GRID1: variants seen among roughly 807,000 people sequenced by gnomAD.
The protein encoded by GRID1 is glutamate ionotropic receptor delta type subunit 1, also known as glutamate receptor ionotropic, delta-1.
Under a neutral mutation model 98.0 loss-of-function variants are expected in GRID1, and 28 were observed. The observed-to-expected ratio is 0.29, with a 90% confidence interval of 0.21 to 0.39. The LOEUF is 0.39. Ranked by LOEUF, GRID1 falls within the 10% of genes least tolerant of loss-of-function variation. GRID1 has a pLI of 1.00. For missense variants in GRID1, 1,111 were observed against 1,340.5 expected, an observed-to-expected ratio of 0.83 and a Z score of 2.67; for synonymous variants, 553 against 538.5, an observed-to-expected ratio of 1.03 and a Z score of -0.37.
At chr10:86,083,654 C>T (rs1404420840) in intron 4 of GRID1, among the ~76,000 whole-genome samples, 2 of 152,200 alleles carry the variant, frequency 1.3e-5, no homozygotes, top group Admixed American at 6.5e-5. Context: ...AAGGGTCTGT[C>T]ATTAAATCAC....
intron 12 of GRID1, among the ~76,000 whole-genome samples, chr10:85,690,688 T>C (rs1007601537): frequency 1.3e-5 from 2 of 152,216 alleles, no homozygotes; most frequent in Non-Finnish European, 2.9e-5. Flanking sequence ...TTTTCCTTTC[T>C]AAGTGTTCAC....
At chr10:86,094,987 TA>T (rs749067014) in intron 4 of GRID1, among the ~76,000 whole-genome samples, 1 of 152,060 alleles carries the variant, frequency 6.6e-6, no homozygotes, top group Non-Finnish European at 1.5e-5. Flanking sequence ...GGTACTGATA[TA>T]AAAATAGGCA....
intron 3 of GRID1, among the ~76,000 whole-genome samples, chr10:86,141,855 G>A (rs559532114): frequency 5.3e-5 from 8 of 152,208 alleles, no homozygotes; most frequent in East Asian, 1.9e-4. Context: ...TGGTGTAAAC[G>A]ATATTCCTAA....
intron 2 of GRID1, among the ~76,000 whole-genome samples, chr10:86,227,572 G>GC (rs144593219): frequency 0.28 from 43,202 of 152,048 alleles, 6,985 homozygotes; most frequent in Non-Finnish European, 0.38. Flanking sequence ...CATGAGCTCA[G>GC]CCAGCCCAGT....
At chr10:86,172,827 C>T (rs560247322) in intron 3 of GRID1, among the ~76,000 whole-genome samples, 95 of 152,146 alleles carry the variant, frequency 6.2e-4, no homozygotes, top group Admixed American at 1.0e-3. Flanking sequence ...GAAAAAAATG[C>T]TATTATATGA....
At chr10:85,666,310 A>G (rs1442898536) in intron 12 of GRID1, among the ~76,000 whole-genome samples, 2 of 152,222 alleles carry the variant, frequency 1.3e-5, no homozygotes, top group Non-Finnish European at 2.9e-5. Context: ...AACAGAAAGC[A>G]TGAAAGAACA....
At chr10:85,999,651 T>G (rs181594816) in intron 4 of GRID1, among the ~76,000 whole-genome samples, 2 of 152,194 alleles carry the variant, frequency 1.3e-5, no homozygotes, top group African/African-American at 4.8e-5. Flanking sequence ...AAGAAATGCA[T>G]GACTAACTCA....
intron 3 of GRID1, among the ~76,000 whole-genome samples, chr10:86,193,465 G>A (rs1313531386): frequency 6.6e-6 from 1 of 152,040 alleles, no homozygotes; most frequent in African/African-American, 2.4e-5. Flanking sequence ...AACCATGCCA[G>A]GGTCTCTAGG....
At chr10:85,913,441 G>A (rs1841568039) in intron 5 of GRID1, among the ~76,000 whole-genome samples, 1 of 152,230 alleles carries the variant, frequency 6.6e-6, no homozygotes, top group African/African-American at 2.4e-5. Context: ...TGTTGATGAG[G>A]ACTAAGAAGG....
intron 8 of GRID1, among the ~76,000 whole-genome samples, chr10:85,780,969 T>C (rs1190303815): frequency 1.3e-5 from 2 of 152,176 alleles, no homozygotes; most frequent in East Asian, 3.9e-4. Context: ...GTGTCCATGG[T>C]GAACACCAGA....
In GRID1 at chr10:85,979,542, T is replaced by C. The variant is rs530305572; in HGVS notation, c.727-63303A>G. On this transcript the variant is annotated intron_variant, in intron 4 of 15. Coordinates refer to ENST00000327946, the MANE Select transcript of GRID1 (RefSeq NM_017551.3). ...GTAGATAGCCATTTCTCTCTGTATC[T>C]TCACATCATCTTCCCTCTGTGTATG... 7.4e-3 allele frequency among the ~76,000 whole-genome samples: 1,130 copies of C among 152,332 alleles called. 8 individuals are homozygous for C. Among genetic ancestry groups the C allele is most frequent in the Non-Finnish European group, 0.012 (806 of 68,022 alleles).
chr10:86,040,621 A>G (rs1304590919), intron 4 of GRID1, among the ~76,000 whole-genome samples: 2 of 151,992 alleles, frequency 1.3e-5, no homozygotes, highest in Non-Finnish European at 2.9e-5. Context: ...TTGGCCAATG[A>G]GTACATTGTT....
chr10:86,257,377 G>A (rs1399595608), intron 2 of GRID1, among the ~76,000 whole-genome samples: 2 of 152,176 alleles, frequency 1.3e-5, no homozygotes, highest in African/African-American at 4.8e-5. Flanking sequence ...TACAGTGTGT[G>A]GGATACAAAA....
At chr10:85,983,007 C>A (rs1842564689) in intron 4 of GRID1, among the ~76,000 whole-genome samples, 1 of 152,214 alleles carries the variant, frequency 6.6e-6, no homozygotes. Context: ...CCTCTCAAGA[C>A]CCTCTATTGT....
chr10:85,906,281 G>T (rs1458584585), intron 5 of GRID1, among the ~76,000 whole-genome samples: 1 of 152,044 alleles, frequency 6.6e-6, no homozygotes, highest in Non-Finnish European at 1.5e-5. Flanking sequence ...ACTGAAAGGA[G>T]AACAAACAAA....
At chr10:85,997,772 T>C (rs1432867754) in intron 4 of GRID1, among the ~76,000 whole-genome samples, 2 of 152,120 alleles carry the variant, frequency 1.3e-5, no homozygotes, top group Non-Finnish European at 2.9e-5. Flanking sequence ...CAAAAATTGA[T>C]GGAATATGTT....
At chr10:86,338,849 C>T (rs113660137) in intron 2 of GRID1, among the ~76,000 whole-genome samples, 3 of 152,112 alleles carry the variant, frequency 2.0e-5, no homozygotes, top group Admixed American at 6.5e-5. Context: ...TGAGCCACCG[C>T]GCCTGGCTCC....
At chr10:86,211,645 C>A (rs142476228) in intron 2 of GRID1, among the ~76,000 whole-genome samples, 1 of 151,952 alleles carries the variant, frequency 6.6e-6, no homozygotes, top group Non-Finnish European at 1.5e-5. Flanking sequence ...GAGGTACTGG[C>A]CACTTCACAG....
intron 5 of GRID1, among the ~76,000 whole-genome samples, chr10:85,879,866 G>A (rs1840976343): frequency 6.6e-6 from 1 of 152,068 alleles, no homozygotes; most frequent in African/African-American, 2.4e-5. Flanking sequence ...AAAATTGATA[G>A]ACCGCTAGCA....
Sources: gnomAD v4.1 joint callset for allele counts (sites outside exome capture counted in the v4.1 genomes callset) on GRCh38, gnomAD v4.1.1 for gene constraint, MANE v1.5 for transcripts, NCBI Gene and HGNC (gene_info 2026-07-23, HGNC 2026-07-21) for gene names.